The following MED22 variants were observed in gnomAD, a reference collection of about 807,000 sequenced individuals.
MED22 encodes the protein mediator of RNA polymerase II transcription subunit 22.
MED22 carries 22 observed loss-of-function variants against 22.7 expected under a neutral mutation model. The ratio of observed to expected loss-of-function variants is 0.97; its 90% CI spans 0.69 to 1.38. The LOEUF is 1.38. MED22 is among the 40% of genes most tolerant of loss of function. The probability of loss-of-function intolerance (pLI) is 0.00; values close to 1 mark genes in which losing one functional copy is unlikely to be tolerated. For synonymous variants in MED22, 134 were observed against 119.4 expected (o/e 1.12, Z -0.80); for missense variants, 247 against 263.0 (o/e 0.94, Z 0.42).
At chr9:133,343,083 A>C (rs2119060563) in intron 4 of MED22, 1 of 998,574 alleles carries the variant, frequency 1.0e-6, no homozygotes, top group South Asian at 4.7e-5. Context: ...ACTGGGGACC[A>C]AAGATTCCCT....
In MED22 at chr9:133,343,121, G is replaced by A. The variant is rs138664387; in HGVS notation, c.413+1004C>T. ...GAACCCCCTGGAAAACTCTAGGACTGCTGCAGCTCAGCAGTGCCACTGAGC... is the reference window on the plus strand; with the variant it reads ...GAACCCCCTGGAAAACTCTAGGACTACTGCAGCTCAGCAGTGCCACTGAGC... On this transcript the variant is annotated intron_variant, in intron 4 of 4. Transcript: ENST00000343730. 9.8e-6 allele frequency: 10 copies of A among 1,021,128 alleles called. No homozygotes were observed. In the East Asian group the frequency reaches 8.9e-4, roughly 91 times the overall value. 63.3% of individuals were successfully genotyped at this position (1,021,128 alleles called of 1,614,324 possible).
rs2129949730 is a variant in MED22, at chr9:133,341,633, C to T, written c.475G>A (p.Asp159Asn). The change falls in exon 5 of 5, where the codon GAC becomes AAC. Residue 159 changes from aspartate (D) to asparagine (N), a missense_variant. Asp to Asn is a conservative substitution (Grantham distance 23). Coordinates refer to ENST00000343730, the MANE Select transcript of MED22 (RefSeq NM_133640.5). ...LCEAYGRLDL[D>N]TDSADGLSAP... ...GAGAGGCCATCAGCAGAGTCTGTGT[C>T]GAGGTCCAGCCTCCCGTAAGCTTCG... is the stretch of plus-strand genomic sequence containing the variant. 1.7e-3 allele frequency: 2,695 copies of T among 1,605,590 alleles called. 6 individuals are homozygous for T. The highest frequency in any genetic ancestry group is 2.1e-3 in the Non-Finnish European group (2,475 of 1,176,522).
Position 133,341,612 on chromosome 9 carries a change from G to C in MED22, c.496C>G (p.Leu166Val). ...GGGGACGCCAGCAGAGGGGCCGAGA[G>C]GCCATCAGCAGAGTCTGTGTCGAGG... The part of the protein sequence containing the change: ...LDLDTDSADG[L>V]SAPLLASPEP... Residue 166 changes from leucine (L) to valine (V), a missense_variant, in exon 5 of 5, where the codon CTC becomes GTC. Physicochemically the swap from Leu to Val is conservative, Grantham distance 32. Coordinates refer to ENST00000343730, the MANE Select transcript of MED22 (RefSeq NM_133640.5). The C allele has an allele frequency of 6.3e-7, 1 of 1,596,066 alleles. No homozygotes were observed. The highest frequency in any genetic ancestry group is 1.1e-5 in the South Asian group (1 of 88,360).
intron 1 of MED22, among the ~76,000 whole-genome samples, 166 bp from the exon 2 acceptor site, chr9:133,346,866 G>T (rs1836200771): frequency 6.6e-6 from 1 of 152,196 alleles, no homozygotes; most frequent in African/African-American, 2.4e-5. Flanking sequence ...ACCGCAGGGG[G>T]TGCCAGGACT....
Position 133,338,950 on chromosome 9 carries a change from C to T in MED22, c.*2555G>A, listed in dbSNP as rs2129941884. ...CACACAATAAAAACAGGCATAAAAG[C>T]CTTTCAGCTGGAACCGCCACCTTCC... On this transcript the variant is annotated 3_prime_UTR_variant, in exon 5 of 5. Transcript: ENST00000343730. The T allele has an allele frequency of 1.7e-4, 108 of 641,940 alleles. No individual in the cohort carries two copies. Among genetic ancestry groups the T allele is most frequent in the Middle Eastern group, 3.1e-4 (1 of 3,210 alleles). 39.8% of individuals were successfully genotyped at this position (641,940 alleles called of 1,614,324 possible).
chr9:133,342,593 C>G (rs1836040526), intron 4 of MED22: 1 of 986,236 alleles, frequency 1.0e-6, no homozygotes, highest in Non-Finnish European at 1.2e-6. Context: ...TTTGGGGGAC[C>G]AGCAAGAAGG....
At chr9:133,342,196 A>G in intron 4 of MED22, 1 of 988,906 alleles carries the variant, frequency 1.0e-6, no homozygotes, top group Non-Finnish European at 1.2e-6. Context: ...AGGCCCTGGC[A>G]CTTCCCGATA....
Position 133,339,295 on chromosome 9 carries a change from GCTTC to G in MED22, c.*2206_*2209del. The G allele has an allele frequency of 1.4e-6, 1 of 706,402 alleles. No homozygotes were observed. Among genetic ancestry groups the G allele is most frequent in the Non-Finnish European group, 2.6e-6 (1 of 378,092 alleles). 43.8% of individuals were successfully genotyped at this position (706,402 alleles called of 1,614,324 possible). On this transcript the variant is annotated 3_prime_UTR_variant, in exon 5 of 5. Transcript: ENST00000343730. ...ACTAAGCACTCTAAGAGCCGAGAGA[GCTTC>G]CTGAAACGCGTGAAGGAAAATGATC...
Position 133,344,185 on chromosome 9 carries a change from G to A in MED22, c.353C>T (p.Thr118Met), listed in dbSNP as rs2129960218. The A allele has an allele frequency of 5.5e-5, 88 of 1,614,174 alleles. No homozygotes were observed. Among genetic ancestry groups the A allele is most frequent in the Non-Finnish European group, 6.7e-5 (79 of 1,180,036 alleles). The change falls in exon 4 of 5, where the codon ACG (threonine) becomes ATG (methionine). Residue 118 changes from threonine (T) to methionine (M), a missense_variant. Physicochemically the swap from Thr to Met is moderately conservative, Grantham distance 81. Coordinates refer to ENST00000343730, the MANE Select transcript of MED22 (RefSeq NM_133640.5). ...LQEECDRKLI[T>M]LRDEISIDLY... ...GTCAATGGAGATCTCGTCTCGCAGC[G>A]TGATGAGCTTCCGGTCGCACTCCTC... is the stretch of plus-strand genomic sequence containing the variant.
chr9:133,342,299 T>C, intron 4 of MED22: 1 of 986,196 alleles, frequency 1.0e-6, no homozygotes. Flanking sequence ...AGAGCTCAGC[T>C]AGCCCTTCCC....
rs1408409068 is a variant in MED22, at chr9:133,339,439, C to A, written c.*2066G>T. 1.4e-5 allele frequency: 11 copies of A among 778,422 alleles called. No individual in the cohort carries two copies. The highest frequency in any genetic ancestry group is 2.6e-5 in the Non-Finnish European group (11 of 430,154). The allele number at this position is 778,422 out of a possible 1,614,324, so 48.2% of individuals were successfully genotyped here. On this transcript the variant is annotated 3_prime_UTR_variant, in exon 5 of 5. Transcript: ENST00000343730. Reference sequence around the variant, plus strand: ...TGGGAAGGAGCCTGAGCTGCTGGAACCTCTTCCCTATGAATTCATGGCATC... The same window carrying A: ...TGGGAAGGAGCCTGAGCTGCTGGAAACTCTTCCCTATGAATTCATGGCATC...
Position 133,338,948 on chromosome 9 carries a change from A to G in MED22, c.*2557T>C, listed in dbSNP as rs187582530. On this transcript the variant is annotated 3_prime_UTR_variant, in exon 5 of 5. Transcript: ENST00000343730. ...AACACACAATAAAAACAGGCATAAAAGCCTTTCAGCTGGAACCGCCACCTT... is the reference window on the plus strand; with the variant it reads ...AACACACAATAAAAACAGGCATAAAGGCCTTTCAGCTGGAACCGCCACCTT... 4.7e-6 allele frequency: 3 copies of G among 637,296 alleles called. No homozygotes were observed. The highest frequency in any genetic ancestry group is 3.7e-5 in the Admixed American group (2 of 54,300). 39.5% of individuals were successfully genotyped at this position (637,296 alleles called of 1,614,324 possible).
chr9:133,338,685 G>A lies in MED22; in HGVS notation c.*2820C>T, dbSNP rs2129941266. On this transcript the variant is annotated 3_prime_UTR_variant, in exon 5 of 5. Transcript: ENST00000343730. The stretch of plus-strand genomic sequence containing the variant: ...TGGAAATCCCGACCTCAGGTGATCC[G>A]CCCGCCTTGGCCTCCCAAAGTGCTG... 1.6e-3 allele frequency: 409 copies of A among 255,130 alleles called. 1 individual carries two copies. The highest frequency in any genetic ancestry group is 2.0e-3 in the Non-Finnish European group (252 of 127,598). 15.8% of individuals were successfully genotyped at this position (255,130 alleles called of 1,614,324 possible).
chr9:133,345,087 C>T, intron 3 of MED22, 85 bp downstream of exon 3: 2 of 1,370,386 alleles, frequency 1.5e-6, no homozygotes, highest in Non-Finnish European at 2.1e-6. Flanking sequence ...AGACCAGCCC[C>T]AGAGCCCCCT....
chr9:133,346,925 C>G (rs587724489), intron 1 of MED22, among the ~76,000 whole-genome samples: 1 of 152,218 alleles, frequency 6.6e-6, no homozygotes, highest in Non-Finnish European at 1.5e-5. Flanking sequence ...CTGGCCAGCC[C>G]TCCAAGCCCT....
intron 2 of MED22, among the ~76,000 whole-genome samples, chr9:133,345,986 G>A (rs1239985030): frequency 6.6e-6 from 1 of 152,254 alleles, no homozygotes; most frequent in Non-Finnish European, 1.5e-5. Context: ...TCCTCATGAA[G>A]ATTCAGCAGA....
rs2129946456 is a variant in MED22 at position 133,341,004 on chromosome 9, C to T, written c.*501G>A. On this transcript the variant is annotated 3_prime_UTR_variant, in exon 5 of 5. Transcript: ENST00000343730. ...ACATGCGTGGGCAGCAGCTGTCACA[C>T]GGGCCTGTCGTGGCACTCAGCCCAT... The T allele has an allele frequency of 4.5e-5, 7 of 153,860 alleles. No homozygotes were observed. Among genetic ancestry groups the T allele is most frequent in the South Asian group, 2.0e-4 (1 of 4,962 alleles). The allele number at this position is 153,860 out of a possible 1,614,324, so 9.5% of individuals were successfully genotyped here. A position where few individuals can be genotyped will look rare whatever the true frequency, so the allele number is the denominator to read the frequency against.
At chr9:133,342,447 C>T in intron 4 of MED22, 7 of 986,000 alleles carry the variant, frequency 7.1e-6, no homozygotes, top group African/African-American at 1.7e-5. Context: ...CCGTCCTGGG[C>T]ACAGAGTGGC....
chr9:133,344,370 G>A (rs201820129), intron 3 of MED22, 37 bp from the exon 4 acceptor site: 1 of 1,607,474 alleles, frequency 6.2e-7, no homozygotes, highest in African/African-American at 1.3e-5. Context: ...ACAGGGTGAG[G>A]GGGGACAGCG....
Sources: gnomAD v4.1 joint callset for allele counts (sites outside exome capture counted in the v4.1 genomes callset) on GRCh38, gnomAD v4.1.1 for gene constraint, MANE v1.5 for transcripts, NCBI Gene and HGNC (gene_info 2026-07-23, HGNC 2026-07-21) for gene names.